SUGCT: variants seen among roughly 807,000 people sequenced by gnomAD.
SUGCT encodes succinyl-CoA:glutarate-CoA transferase, also known as succinyl-CoA:glutarate CoA-transferase.
Under a neutral mutation model 55.0 loss-of-function variants are expected in SUGCT, and 41 were observed. The observed-to-expected ratio is 0.74, with a 90% CI of 0.58 to 0.97. The LOEUF (loss-of-function observed/expected upper bound fraction) is 0.97, where lower values mean the gene tolerates loss of function less well. Ranked by LOEUF, SUGCT falls within the 50% of genes least tolerant of loss-of-function variation. The probability of loss-of-function intolerance (pLI) is 0.00; values close to 1 mark genes in which losing one functional copy is unlikely to be tolerated. For missense variants in SUGCT, 568 were observed against 547.8 expected (o/e 1.04, Z -0.37); for synonymous variants, 187 against 200.4 (o/e 0.93, Z 0.56).
intron 11 of SUGCT, among the ~76,000 whole-genome samples, chr7:40,491,542 A>C (rs575966753): frequency 6.6e-6 from 1 of 152,138 alleles, no homozygotes; most frequent in Non-Finnish European, 1.5e-5. Flanking sequence ...TGATACTTAG[A>C]AAAAGGGAAC....
chr7:40,182,195 A>C (rs1310832696), intron 3 of SUGCT, among the ~76,000 whole-genome samples, 167 bp downstream of exon 3: 2 of 152,212 alleles, frequency 1.3e-5, no homozygotes, highest in Non-Finnish European at 2.9e-5. Flanking sequence ...AACTAACACT[A>C]ATGATATCTT....
chr7:40,808,866 A>G (rs1312935324), intron 13 of SUGCT, among the ~76,000 whole-genome samples: 1 of 152,090 alleles, frequency 6.6e-6, no homozygotes, highest in East Asian at 1.9e-4. Flanking sequence ...TTGTCCTTTT[A>G]CTTGTTAATA....
At chr7:41,008,144 G>A in the SUGCT span, among the ~76,000 whole-genome samples, 2 of 152,238 alleles carry the variant, frequency 1.3e-5, no homozygotes, top group South Asian at 4.1e-4. Context: ...GAGGGCTGGG[G>A]GATGCACAGA....
At chr7:40,432,561 C>T (rs972286992) in intron 9 of SUGCT, among the ~76,000 whole-genome samples, 1 of 151,900 alleles carries the variant, frequency 6.6e-6, no homozygotes, top group African/African-American at 2.4e-5. Flanking sequence ...TGGTGGGCAC[C>T]TGTAATCCCA....
At chr7:40,905,213 C>T in the SUGCT span, among the ~76,000 whole-genome samples, 2 of 152,124 alleles carry the variant, frequency 1.3e-5, no homozygotes, top group African/African-American at 4.8e-5. Flanking sequence ...ATAAAAATGA[C>T]TTACCTGCCA....
intron 13 of SUGCT, among the ~76,000 whole-genome samples, chr7:40,797,213 T>C (rs1009741234): frequency 6.6e-6 from 1 of 152,220 alleles, no homozygotes; most frequent in African/African-American, 2.4e-5. Context: ...AATATCAGTA[T>C]TTAACTTAAA....
the SUGCT span, among the ~76,000 whole-genome samples, chr7:40,985,763 A>T: frequency 6.6e-6 from 1 of 152,212 alleles, no homozygotes; most frequent in East Asian, 1.9e-4. Context: ...CTAGAAAGTG[A>T]TACAATCAGA....
the SUGCT span, among the ~76,000 whole-genome samples, chr7:40,987,357 A>G: frequency 6.6e-6 from 1 of 152,192 alleles, no homozygotes; most frequent in Non-Finnish European, 1.5e-5. Context: ...AGACACCAGT[A>G]GTTTAAAGCA....
chr7:40,582,788 T>C (rs1453552426), intron 12 of SUGCT, among the ~76,000 whole-genome samples: 3 of 152,224 alleles, frequency 2.0e-5, no homozygotes, highest in Non-Finnish European at 4.4e-5. Flanking sequence ...GGGTGGGCCC[T>C]TAACTCCATG....
chr7:40,429,298 C>T (rs2151383767), intron 9 of SUGCT, among the ~76,000 whole-genome samples: 1 of 152,100 alleles, frequency 6.6e-6, no homozygotes, highest in East Asian at 1.9e-4. Flanking sequence ...TATTGTCTTC[C>T]CTTCTTCCCA....
chr7:40,845,891 T>G (rs1793528913), intron 13 of SUGCT, among the ~76,000 whole-genome samples: 2 of 152,300 alleles, frequency 1.3e-5, no homozygotes, highest in Admixed American at 1.3e-4. Flanking sequence ...GACTAAAACG[T>G]TCAGAAAAAA....
At chr7:40,902,493 T>G in the SUGCT span, among the ~76,000 whole-genome samples, 6 of 146,546 alleles carry the variant, frequency 4.1e-5, no homozygotes, top group African/African-American at 1.5e-4. Context: ...GGCAGGAGAA[T>G]CACTTGGACC....
chr7:40,443,536 T>G (rs1788636680), intron 9 of SUGCT, among the ~76,000 whole-genome samples: 2 of 152,236 alleles, frequency 1.3e-5, no homozygotes, highest in Non-Finnish European at 2.9e-5. Context: ...GAGAAGTGTC[T>G]GTTCATATCC....
At chr7:40,320,840 C>A (rs1341251296) in intron 9 of SUGCT, among the ~76,000 whole-genome samples, 2 of 152,140 alleles carry the variant, frequency 1.3e-5, no homozygotes, top group African/African-American at 4.8e-5. Context: ...TTGTTACATG[C>A]AAATATTATG....
intron 13 of SUGCT, among the ~76,000 whole-genome samples, chr7:40,763,765 G>T (rs1788649078): frequency 6.6e-6 from 1 of 152,154 alleles, no homozygotes; most frequent in Non-Finnish European, 1.5e-5. Context: ...ACTTCTCTTT[G>T]TGGTCTTTGA....
At chr7:40,196,674 A>G (rs950825804) in intron 6 of SUGCT, among the ~76,000 whole-genome samples, 1 of 152,140 alleles carries the variant, frequency 6.6e-6, no homozygotes, top group Non-Finnish European at 1.5e-5. Context: ...CACCAAGTGC[A>G]CTAGCCACCA....
intron 9 of SUGCT, among the ~76,000 whole-genome samples, chr7:40,437,130 CAA>C (rs568994255): frequency 1.6e-4 from 25 of 152,140 alleles, no homozygotes; most frequent in Non-Finnish European, 3.4e-4. Flanking sequence ...TTTCTTCACA[CAA>C]AGTTTTCTTT....
intron 9 of SUGCT, among the ~76,000 whole-genome samples, chr7:40,376,778 T>C (rs372542923): frequency 2.6e-5 from 4 of 151,576 alleles, no homozygotes; most frequent in African/African-American, 4.9e-5. Context: ...TACTACTCTA[T>C]TGAAGTTTCC....
chr7:40,847,583 A>C (rs1793637557), intron 13 of SUGCT, among the ~76,000 whole-genome samples: 1 of 151,432 alleles, frequency 6.6e-6, no homozygotes, highest in African/African-American at 2.4e-5. Flanking sequence ...CGCCTGGCTA[A>C]TTTTTGTATT....
Sources: allele counts gnomAD v4.1 joint callset (sites outside exome capture counted in the v4.1 genomes callset), GRCh38; gene constraint gnomAD v4.1.1; transcripts MANE v1.5; gene names NCBI Gene and HGNC (gene_info 2026-07-23, HGNC 2026-07-21).